The following AP2B1 variants were observed in gnomAD, a reference collection of about 807,000 sequenced individuals.
AP2B1 encodes AP-2 complex subunit beta.
AP2B1 carries 23 observed loss-of-function variants against 102.0 expected under a neutral mutation model. The observed-to-expected ratio is 0.23, with a 90% CI of 0.16 to 0.32. The LOEUF (loss-of-function observed/expected upper bound fraction) is 0.32, where lower values mean the gene tolerates loss of function less well. Among genes scored for constraint, AP2B1 ranks in the 10% least tolerant of loss-of-function variants. AP2B1 has a pLI of 1.00. For missense variants in AP2B1, 541 were observed against 1,157.4 expected, an observed-to-expected ratio of 0.47 and a Z score of 7.73; for synonymous variants, 381 against 421.2, an observed-to-expected ratio of 0.90 and a Z score of 1.17.
chr17:35,622,423 A>G (rs1011763201), intron 5 of AP2B1, among the ~76,000 whole-genome samples: 5 of 152,216 alleles, frequency 3.3e-5, no homozygotes, highest in African/African-American at 7.2e-5. Flanking sequence ...AGATAAAATC[A>G]TATGCTGGGA....
chr17:35,621,650 G>A (rs755915003), intron 5 of AP2B1, among the ~76,000 whole-genome samples: 19 of 152,110 alleles, frequency 1.2e-4, no homozygotes, highest in Non-Finnish European at 2.4e-4. Flanking sequence ...CATGATAAGT[G>A]GCAATTGCCT....
Position 35,608,230 on chromosome 17 carries a change from G to A in AP2B1, c.368G>A (p.Cys123Tyr). ...GTAGACAAAATTACAGAATATCTCT[G>A]TGAGCCGCTCCGCAAGTGCTTGAAG... ...IRVDKITEYL[C>Y]EPLRKCLKDE... The change falls in exon 5 of 22, where the codon TGT (cysteine) becomes TAT (tyrosine). Residue 123 changes from cysteine (C) to tyrosine (Y), a missense_variant. Transcript: ENST00000610402. 1 of 1,614,154 alleles carries A rather than the reference G, an allele frequency of 6.2e-7. No homozygotes were observed. Among genetic ancestry groups the A allele is most frequent in the Non-Finnish European group, 8.5e-7 (1 of 1,180,048 alleles).
At chr17:35,719,191 A>G (rs587623346) in intron 21 of AP2B1, among the ~76,000 whole-genome samples, 1 of 152,328 alleles carries the variant, frequency 6.6e-6, no homozygotes, top group African/African-American at 2.4e-5. Flanking sequence ...AGAAATAGGT[A>G]TTAGTACAAT....
chr17:35,624,258 G>T, intron 5 of AP2B1, 139 bp from the exon 6 acceptor site: 1 of 779,376 alleles, frequency 1.3e-6, no homozygotes. Context: ...TGATTTATTT[G>T]TTTCTATCTG....
intron 5 of AP2B1, among the ~76,000 whole-genome samples, chr17:35,622,525 C>G (rs759012528): frequency 6.6e-6 from 1 of 152,126 alleles, no homozygotes; most frequent in Non-Finnish European, 1.5e-5. Flanking sequence ...AAATGATAAT[C>G]ATACAAATCT....
chr17:35,664,766 C>A (rs2075428296), intron 14 of AP2B1, among the ~76,000 whole-genome samples: 1 of 152,130 alleles, frequency 6.6e-6, no homozygotes, highest in Non-Finnish European at 1.5e-5. Context: ...GTAGGGGAGA[C>A]AAATGATAAA....
At position 35,670,842 on chromosome 17, in the gene AP2B1, C is replaced by T. The variant is rs1251579986; in HGVS notation, c.1990-15C>T. 1 of 1,613,584 alleles carries T rather than the reference C, an allele frequency of 6.2e-7. No homozygotes were observed. Among genetic ancestry groups the T allele is most frequent in the Non-Finnish European group, 8.5e-7 (1 of 1,179,774 alleles). ...ACTCTACCTCTCTCTCCTCTCTCTC[C>T]TTTCTCTCTTTCAGCTTGGCAGTGA... On this transcript the variant is annotated splice_polypyrimidine_tract_variant and intron_variant, in intron 14 of 21. Transcript: ENST00000610402.
chr17:35,607,986 T>C, intron 4 of AP2B1, 156 bp from the exon 5 acceptor site: 1 of 859,400 alleles, frequency 1.2e-6, no homozygotes. Flanking sequence ...CTAAGATTTG[T>C]ACTTAGGAAA....
At chr17:35,650,848 C>T (rs1365992986) in intron 13 of AP2B1, 59 bp downstream of exon 13, 1 of 1,551,236 alleles carries the variant, frequency 6.4e-7, no homozygotes, top group Non-Finnish European at 8.8e-7. Context: ...CAGCGTTGCT[C>T]TTCTTTATGC....
At chr17:35,675,581 A>G (rs2075681357) in intron 17 of AP2B1, among the ~76,000 whole-genome samples, 1 of 151,468 alleles carries the variant, frequency 6.6e-6, no homozygotes, top group East Asian at 1.9e-4. Context: ...GTTGTAATAA[A>G]GGAAATCTGC....
intron 18 of AP2B1, among the ~76,000 whole-genome samples, chr17:35,689,884 T>A (rs759494614): frequency 6.6e-6 from 1 of 152,238 alleles, no homozygotes; most frequent in Non-Finnish European, 1.5e-5. Context: ...ATATTTCTTT[T>A]ACCTTTGGTT....
intron 20 of AP2B1, among the ~76,000 whole-genome samples, chr17:35,716,318 C>A (rs587604867): frequency 2.0e-5 from 3 of 152,216 alleles, no homozygotes; most frequent in African/African-American, 7.2e-5. Flanking sequence ...TTCTCTGATA[C>A]AGCAACATCT....
At position 35,708,297 on chromosome 17, in the gene AP2B1, A is replaced by T. The variant is rs587690247; in HGVS notation, c.2455-927A>T. ...GTCATTAGTGACAGAAACCAGTGGGAGGTGGTGACTTAGAGCAAGTCTCCT... is the reference window on the plus strand; with the variant it reads ...GTCATTAGTGACAGAAACCAGTGGGTGGTGGTGACTTAGAGCAAGTCTCCT... On this transcript the variant is annotated intron_variant, in intron 18 of 21. Coordinates refer to ENST00000610402, the MANE Select transcript of AP2B1 (RefSeq NM_001030006.2). Among the ~76,000 whole-genome samples, 13 of 152,312 alleles carry T rather than the reference A, an allele frequency of 8.5e-5. No homozygotes were observed. In the South Asian group the frequency reaches 2.7e-3, roughly 32 times the overall value.
chr17:35,668,115 T>C (rs1209125603), intron 14 of AP2B1, among the ~76,000 whole-genome samples: 1 of 151,974 alleles, frequency 6.6e-6, no homozygotes, highest in Non-Finnish European at 1.5e-5. Flanking sequence ...TTTTTGTATT[T>C]TTAGTAGAGA....
At chr17:35,661,433 A>T (rs1805716089) in intron 14 of AP2B1, among the ~76,000 whole-genome samples, 1 of 152,236 alleles carries the variant, frequency 6.6e-6, no homozygotes, top group African/African-American at 2.4e-5. Flanking sequence ...CTAAGCCAAG[A>T]CAGTGACCGC....
rs372383388 is a variant in AP2B1, at chr17:35,710,330, A to G, written c.2626+10A>G. The stretch of plus-strand genomic sequence containing the variant: ...TGTCATTTAAATGCTGGTGAGTAAT[A>G]TACTCTAAATTTCAGTTTCATCTTA... On this transcript the variant is annotated intron_variant, in intron 20 of 21. Coordinates refer to ENST00000610402, the MANE Select transcript of AP2B1 (RefSeq NM_001030006.2). 6.5e-7 allele frequency: 1 copy of G among 1,547,454 alleles called. No individual in the cohort carries two copies. Among genetic ancestry groups the G allele is most frequent in the African/African-American group, 1.4e-5 (1 of 73,566 alleles).
In AP2B1 at chr17:35,650,583, C is replaced by G; in HGVS notation, c.1590C>G (p.Leu530=). ...GGGGCTATATTTATTGGCGCCTTCT[C>G]TCAACTGACCCTGTTACAGCTAAAG... ...RDRGYIYWRL[L]STDPVTAKEV... is the part of the protein sequence containing the mutation. The change falls in exon 13 of 22, where the codon CTC becomes CTG. Residue 530 remains leucine, a synonymous_variant. Transcript: ENST00000610402. 2 of 1,614,128 alleles carry G rather than the reference C, an allele frequency of 1.2e-6. No individual in the cohort carries two copies. Among genetic ancestry groups the G allele is most frequent in the Non-Finnish European group, 1.7e-6 (2 of 1,180,022 alleles).
chr17:35,627,292 G>A (rs1598092962), intron 7 of AP2B1, 93 bp from the exon 8 acceptor site: 2 of 674,644 alleles, frequency 3.0e-6, no homozygotes, highest in Non-Finnish European at 4.4e-6. Flanking sequence ...CGAGAGGAGA[G>A]CAGAGAGGCA....
At position 35,641,763 on chromosome 17, in the gene AP2B1, A is replaced by G. The variant is rs2074788329; in HGVS notation, c.1438-114A>G. 4.5e-5 allele frequency: 30 copies of G among 668,290 alleles called. No homozygotes were observed. In the Middle Eastern group the frequency reaches 3.2e-3, roughly 71 times the overall value. The allele number at this position is 668,290 out of a possible 1,614,324, so 41.4% of individuals were successfully genotyped here. On this transcript the variant is annotated intron_variant, in intron 11 of 21. Transcript: ENST00000610402. ...GTTTCAGCCTTTTGTCTCTTAACCA[A>G]AATCAGAAAGGCTCCATAGTAATTC...
Sources: allele counts gnomAD v4.1 joint callset (sites outside exome capture counted in the v4.1 genomes callset), GRCh38; gene constraint gnomAD v4.1.1; transcripts MANE v1.5; gene names NCBI Gene and HGNC (gene_info 2026-07-23, HGNC 2026-07-21).